SEC23A: variants seen among roughly 807,000 people sequenced by gnomAD.
SEC23A encodes SEC23 homolog A, COPII component, also known as protein transport protein Sec23A.
Under a neutral mutation model 103.7 loss-of-function variants are expected in SEC23A, and 56 were observed. The ratio of observed to expected loss-of-function variants is 0.54; its 90% CI spans 0.44 to 0.67. The LOEUF is 0.67. SEC23A is among the 30% of genes least tolerant of loss of function. The probability of loss-of-function intolerance (pLI) is 0.00; values close to 1 mark genes in which losing one functional copy is unlikely to be tolerated. For missense variants in SEC23A, 784 were observed against 936.4 expected (o/e 0.84, Z 2.12); for synonymous variants, 281 against 293.0 (o/e 0.96, Z 0.42).
intron 5 of SEC23A, among the ~76,000 whole-genome samples, chr14:39,090,130 A>C (rs1219436563): frequency 6.6e-6 from 1 of 151,752 alleles, no homozygotes. Flanking sequence ...TTCAAATTAG[A>C]CTCACCCTCA....
intron 9 of SEC23A, among the ~76,000 whole-genome samples, chr14:39,074,093 G>A (rs1886930878): frequency 6.6e-6 from 1 of 152,146 alleles, no homozygotes; most frequent in Non-Finnish European, 1.5e-5. Flanking sequence ...TATACTAAAA[G>A]CATCAAACTG....
intron 16 of SEC23A, among the ~76,000 whole-genome samples, chr14:39,043,610 T>C (rs1009672871): frequency 2.0e-5 from 3 of 152,106 alleles, no homozygotes; most frequent in Non-Finnish European, 2.9e-5. Flanking sequence ...TTAGACTACA[T>C]CACTGAGAGG....
Position 39,067,209 on chromosome 14 carries a change from C to G in SEC23A, c.1191G>C (p.Gln397His). ...GCGTACCACCAAAGCCCATTTTAAA[C>G]TGTCCATGCATGTCTTTGGTAAAGA... Reference protein sequence around the residue: ...QRVFTKDMHGQFKMGFGGTLE... With the variant: ...QRVFTKDMHGHFKMGFGGTLE... The change falls in exon 10 of 20, where the codon CAG becomes CAC. Residue 397 changes from glutamine (Q) to histidine (H), a missense_variant. Gln to His is a conservative substitution (Grantham distance 24). Transcript: ENST00000307712. 6.2e-7 allele frequency: 1 copy of G among 1,613,788 alleles called. No individual in the cohort carries two copies. The highest frequency in any genetic ancestry group is 8.5e-7 in the Non-Finnish European group (1 of 1,179,860).
intron 9 of SEC23A, among the ~76,000 whole-genome samples, chr14:39,071,424 C>T (rs1280081496): frequency 6.6e-6 from 1 of 152,106 alleles, no homozygotes; most frequent in African/African-American, 2.4e-5. Context: ...GTGCTACATG[C>T]CTGTAATCCA....
chr14:39,058,171 T>C (rs2139218061), intron 13 of SEC23A, among the ~76,000 whole-genome samples: 1 of 152,338 alleles, frequency 6.6e-6, no homozygotes, highest in African/African-American at 2.4e-5. Flanking sequence ...TGGCCAGACA[T>C]ACTTATAGAC....
chr14:39,088,991 AC>A (rs1887561128), intron 5 of SEC23A, among the ~76,000 whole-genome samples: 1 of 151,606 alleles, frequency 6.6e-6, no homozygotes, highest in Non-Finnish European at 1.5e-5. Context: ...ACATGGTGAA[AC>A]CCGGTCTCTA....
chr14:39,074,453 T>A lies in SEC23A; in HGVS notation c.1065A>T (p.Thr355=). The change falls in exon 9 of 20, where the codon ACA becomes ACT. Residue 355 remains threonine, a synonymous_variant. Transcript: ENST00000307712. ...IDIYACALDQ[T]GLLEMKCCPN... Reference sequence around the variant, plus strand: ...GACAGCATTTCATCTCCAGGAGACCTGTCTGATCTAATGCACACGCATAGA... The same window carrying A: ...GACAGCATTTCATCTCCAGGAGACCAGTCTGATCTAATGCACACGCATAGA... The A allele has an allele frequency of 6.2e-7, 1 of 1,613,418 alleles. No homozygotes were observed. The highest frequency in any genetic ancestry group is 8.5e-7 in the Non-Finnish European group (1 of 1,179,514).
chr14:39,048,772 A>C (rs751192015), intron 14 of SEC23A, 43 bp from the exon 15 acceptor site: 1 of 1,056,600 alleles, frequency 9.5e-7, no homozygotes, highest in Non-Finnish European at 1.5e-6. Flanking sequence ...TCCTGGAATA[A>C]AAGCTAACAC....
chr14:39,077,411 CG>C (rs1043512137), intron 7 of SEC23A, among the ~76,000 whole-genome samples: 32 of 151,416 alleles, frequency 2.1e-4, no homozygotes, highest in Middle Eastern at 6.9e-3. Context: ...GGCATGGTGG[CG>C]GGCGCCTGTA....
intron 15 of SEC23A, among the ~76,000 whole-genome samples, chr14:39,046,924 G>A (rs561841087): frequency 3.9e-5 from 6 of 152,248 alleles, no homozygotes; most frequent in Admixed American, 2.0e-4. Context: ...TCACTCAACA[G>A]CTTTCTCCCA....
chr14:39,082,841 A>C (rs1887274191), intron 7 of SEC23A, among the ~76,000 whole-genome samples: 1 of 152,244 alleles, frequency 6.6e-6, no homozygotes, highest in Admixed American at 6.5e-5. Context: ...ACTCAAATTG[A>C]AGAACATTTT....
At chr14:39,067,837 T>C (rs532357360) in intron 9 of SEC23A, among the ~76,000 whole-genome samples, 1 of 151,926 alleles carries the variant, frequency 6.6e-6, no homozygotes, top group Non-Finnish European at 1.5e-5. Context: ...CCCAGCTAAT[T>C]TTTTTGTTTT....
At chr14:39,102,646 C>G (rs977001109) in intron 1 of SEC23A, among the ~76,000 whole-genome samples, 1 of 151,168 alleles carries the variant, frequency 6.6e-6, no homozygotes, top group African/African-American at 2.4e-5. Flanking sequence ...GTGACGTAGT[C>G]AATTGGGTTC....
intron 7 of SEC23A, among the ~76,000 whole-genome samples, chr14:39,083,856 C>A (rs113239653): frequency 2.0e-5 from 3 of 151,856 alleles, no homozygotes; most frequent in African/African-American, 7.3e-5. Flanking sequence ...TGAGCCAACA[C>A]GCCAAGCCCA....
intron 17 of SEC23A, 101 bp downstream of exon 17, chr14:39,042,685 T>G (rs1885686857): frequency 1.3e-6 from 1 of 760,226 alleles, no homozygotes; most frequent in African/African-American, 1.8e-5. Context: ...GAAATCAAAG[T>G]TTATCATAGA....
Position 39,094,434 on chromosome 14 carries a change from ATATATATATTTTTTTTT to A in SEC23A, c.222-1207_222-1191del, listed in dbSNP as rs1443241749. 3.0e-4 allele frequency among the ~76,000 whole-genome samples: 9 copies of A among 29,854 alleles called. 2 individuals are homozygous for A. In the African/African-American group the frequency reaches 3.5e-3, roughly 12 times the overall value. 19.6% of individuals were successfully genotyped at this position (29,854 alleles called of 152,430 possible). ...TATATATATATATATATATATATAT[ATATATATATTTTTTTTT>A]TTTTTTTTTCCCCTCCTGTAGAAAT... On this transcript the variant is annotated intron_variant, in intron 2 of 19. Coordinates refer to ENST00000307712, the MANE Select transcript of SEC23A (RefSeq NM_006364.4).
rs1452004136 is a variant in SEC23A, at chr14:39,086,954, C to G, written c.658G>C (p.Val220Leu). ...PLTQATRGPQ[V>L]QQPPPSNRFL... ...CTGTTGGAAGGAGGTGGCTGCTGTA[C>G]CTGAGGACCACGTGTTGCTTGAGTA... Residue 220 changes from valine to leucine, a missense_variant, in exon 6 of 20, where the codon GTA (valine) becomes CTA (leucine). By Grantham distance (32) the Val-to-Leu change is conservative. Around this residue, in one of 2 missense-constraint regions of SEC23A, gnomAD observed 683 missense variants for 774.2 expected, o/e 0.88. Coordinates refer to ENST00000307712, the MANE Select transcript of SEC23A (RefSeq NM_006364.4). 1 of 1,597,464 alleles carries G rather than the reference C, an allele frequency of 6.3e-7. No individual in the cohort carries two copies. Among genetic ancestry groups the G allele is most frequent in the African/African-American group, 1.3e-5 (1 of 74,626 alleles).
Position 39,092,510 on chromosome 14 carries a change from C to G in SEC23A, c.366+31G>C, listed in dbSNP as rs1175043065. The G allele has an allele frequency of 2.3e-6, 3 of 1,310,922 alleles. No homozygotes were observed. In the South Asian group the frequency reaches 3.8e-5, roughly 17 times the overall value. 81.2% of individuals were successfully genotyped at this position (1,310,922 alleles called of 1,614,324 possible). On this transcript the variant is annotated intron_variant, in intron 4 of 19. Coordinates refer to ENST00000307712, the MANE Select transcript of SEC23A (RefSeq NM_006364.4). ...AATTCTTTCAGTATAAATTTTAAAA[C>G]TTTCTTAAATATTTGTTCTTAGGTT... is the stretch of plus-strand genomic sequence containing the variant.
At chr14:39,073,762 A>G (rs1886919210) in intron 9 of SEC23A, among the ~76,000 whole-genome samples, 1 of 150,474 alleles carries the variant, frequency 6.6e-6, no homozygotes, top group Admixed American at 6.6e-5. Flanking sequence ...GGTGCCTGCC[A>G]CCACGCCCAC....
Sources: gnomAD v4.1 joint callset for allele counts (sites outside exome capture counted in the v4.1 genomes callset) on GRCh38, gnomAD v4.1.1 for gene constraint, gnomAD v4.1.1 regional missense constraint, MANE v1.5 for transcripts, NCBI Gene and HGNC (gene_info 2026-07-23, HGNC 2026-07-21) for gene names.